ANKLE2: variants seen among roughly 807,000 people sequenced by gnomAD.
ANKLE2 encodes the protein ankyrin repeat and LEM domain-containing protein 2.
Under a neutral mutation model 84.2 loss-of-function variants are expected in ANKLE2, and 55 were observed. The ratio of observed to expected loss-of-function variants is 0.65; its 90% CI spans 0.53 to 0.82. The LOEUF (loss-of-function observed/expected upper bound fraction) is 0.82, where lower values mean the gene tolerates loss of function less well. ANKLE2 is among the 40% of genes least tolerant of loss of function. The probability of loss-of-function intolerance (pLI) is 0.00; values close to 1 mark genes in which losing one functional copy is unlikely to be tolerated. For missense variants in ANKLE2, 1,238 were observed against 1,201.9 expected, an observed-to-expected ratio of 1.03 and a Z score of -0.44; for synonymous variants, 551 against 486.1, an observed-to-expected ratio of 1.13 and a Z score of -1.76.
At position 132,728,176 on chromosome 12, in the gene ANKLE2, AT is replaced by A. The variant is rs2043749595; in HGVS notation, c.2484-14del. ...TGATGGCTCCTCTCTAGAAAGCACA[AT>A]AAAAGAAGCAAAAACATCTTTGGTA... On this transcript the variant is annotated splice_polypyrimidine_tract_variant and intron_variant, in intron 11 of 12. Coordinates refer to ENST00000357997, the MANE Select transcript of ANKLE2 (RefSeq NM_015114.3). 3.7e-6 allele frequency: 6 copies of A among 1,605,780 alleles called. No homozygotes were observed. The highest frequency in any genetic ancestry group is 5.1e-6 in the Non-Finnish European group (6 of 1,178,252).
intron 11 of ANKLE2, 83 bp downstream of exon 11, chr12:132,729,596 A>AGGG: frequency 1.4e-4 from 1 of 6,994 alleles, no homozygotes. Context: ...GTGGGAGGGG[A>AGGG]AGGGGAGGGG....
intron 2 of ANKLE2, 157 bp from the exon 3 acceptor site, chr12:132,751,006 C>A: frequency 3.2e-6 from 2 of 631,222 alleles, no homozygotes; most frequent in Non-Finnish European, 5.5e-6. Context: ...CCTAAGCTAG[C>A]CAAAATAGAA....
rs566130639 is a variant in ANKLE2 at position 132,746,348 on chromosome 12, C to CAA, written c.1230+1482_1230+1483dup. Among the ~76,000 whole-genome samples, 443 of 66,434 alleles carry CAA rather than the reference C, an allele frequency of 6.7e-3. 8 individuals carry two copies. Among genetic ancestry groups the CAA allele is most frequent in the African/African-American group, 0.02 (364 of 17,830 alleles). The allele number at this position is 66,434 out of a possible 152,430, so 43.6% of individuals were successfully genotyped here. ...TGGGAGACAGAGCAAGACTCTGTCTCAAAAAAAAAAAAAAAAAAAGAATCA... is the reference window on the plus strand; with the variant it reads ...TGGGAGACAGAGCAAGACTCTGTCTCAAAAAAAAAAAAAAAAAAAAAGAATCA... On this transcript the variant is annotated intron_variant, in intron 5 of 12. Coordinates refer to ENST00000357997, the MANE Select transcript of ANKLE2 (RefSeq NM_015114.3).
intron 9 of ANKLE2, 128 bp downstream of exon 9, chr12:132,735,278 A>G: frequency 2.3e-6 from 2 of 880,974 alleles, no homozygotes; most frequent in Non-Finnish European, 1.9e-6. Context: ...ACCTTCACGA[A>G]AAGGACCAAG....
rs1276827547 is a variant in ANKLE2, at chr12:132,743,168, T to C, written c.1339A>G (p.Lys447Glu). The part of the protein sequence containing the change: ...IVKNSRNKYD[K>E]TPEDVICERS... ...TAAGTACTTACATCTTCAGGTGTTT[T>C]ATCATATTTATTCCTTGAGTTTTTT... The change falls in exon 6 of 13, where the codon AAA becomes GAA. Residue 447 changes from lysine (K) to glutamate (E), a missense_variant. By Grantham distance (56) the Lys-to-Glu change is moderately conservative (BLOSUM62 1). Around this residue, in one of 3 missense-constraint regions of ANKLE2, gnomAD observed 802 missense variants for 774.5 expected, o/e 1.04. Transcript: ENST00000357997. The surrounding 1 kb of genome is among the most constrained non-coding windows in gnomAD (Gnocchi z 4.1). 2.5e-6 allele frequency: 4 copies of C among 1,606,722 alleles called. No homozygotes were observed. Among genetic ancestry groups the C allele is most frequent in the Non-Finnish European group, 3.4e-6 (4 of 1,175,722 alleles).
At chr12:132,733,727 A>G (rs1295030700) in intron 10 of ANKLE2, among the ~76,000 whole-genome samples, 1 of 152,126 alleles carries the variant, frequency 6.6e-6, no homozygotes, top group Non-Finnish European at 1.5e-5. Context: ...GGTGTCTGAT[A>G]CGCACCGTGC....
chr12:132,755,706 G>T (rs549704664), intron 1 of ANKLE2: 1 of 151,404 alleles, frequency 6.6e-6, no homozygotes, highest in Non-Finnish European at 1.5e-5. Context: ...GACTACAGGC[G>T]CCTGGAATCA....
Position 132,755,124 on chromosome 12 carries a change from G to T in ANKLE2, c.191C>A (p.Thr64Lys), listed in dbSNP as rs1462045652. The T allele has an allele frequency of 6.2e-7, 1 of 1,600,170 alleles. No individual in the cohort carries two copies. The highest frequency in any genetic ancestry group is 1.1e-5 in the South Asian group (1 of 89,832). ...CAATCGAGCCAACAGAGCATCCATT[G>T]TCATTTCACCTAGGCCCAAGACAAA... ...AAAAPASGEM[T>K]MDALLARLKL... is the part of the protein sequence containing the mutation. The change falls in exon 2 of 13, where the codon ACA becomes AAA. Residue 64 changes from threonine to lysine, a missense_variant. Thr to Lys is a moderately conservative substitution (Grantham distance 78). Coordinates refer to ENST00000357997, the MANE Select transcript of ANKLE2 (RefSeq NM_015114.3).
At position 132,748,258 on chromosome 12, in the gene ANKLE2, C is replaced by G. The variant is rs193227466; in HGVS notation, c.921G>C (p.Gln307His). 4.3e-6 allele frequency: 7 copies of G among 1,614,182 alleles called. No individual in the cohort carries two copies. The highest frequency in any genetic ancestry group is 2.7e-5 in the African/African-American group (2 of 75,026). The part of the protein sequence containing the change: ...RANSYKNPRT[Q>H]DLTAKLRKAV... Reference sequence around the variant, plus strand: ...CTTTCCGAAGCTTGGCGGTGAGGTCCTGCGTGCGGGGATTTTTGTAACTGT... The same window carrying G: ...CTTTCCGAAGCTTGGCGGTGAGGTCGTGCGTGCGGGGATTTTTGTAACTGT... Residue 307 changes from glutamine (Q) to histidine (H), a missense_variant, in exon 4 of 13, where the codon CAG becomes CAC. By Grantham distance (24) the Gln-to-His change is conservative (BLOSUM62 0). Coordinates refer to ENST00000357997, the MANE Select transcript of ANKLE2 (RefSeq NM_015114.3).
At chr12:132,749,816 C>G (rs1338693234) in intron 3 of ANKLE2, among the ~76,000 whole-genome samples, 1 of 152,186 alleles carries the variant, frequency 6.6e-6, no homozygotes, top group East Asian at 1.9e-4. Context: ...GATAAGCCCG[C>G]CTTCTCCAGA....
In ANKLE2 at chr12:132,743,359, T is replaced by G; in HGVS notation, c.1231-83A>C. On this transcript the variant is annotated intron_variant, in intron 5 of 12. Transcript: ENST00000357997. This position sits in a 1 kb window ranked among gnomAD's most constrained non-coding sequence, Gnocchi z 4.1. ...AAGGTGAAAATACATATTCATTCAT[T>G]CATTCATTCATTTATTTATTTTGAG... 7.0e-7 allele frequency: 1 copy of G among 1,435,214 alleles called. No individual in the cohort carries two copies. The allele number at this position is 1,435,214 out of a possible 1,614,324, so 88.9% of individuals were successfully genotyped here. A position where few individuals can be genotyped will look rare whatever the true frequency, so the allele number is the denominator to read the frequency against.
intron 5 of ANKLE2, among the ~76,000 whole-genome samples, chr12:132,746,273 C>T (rs2044236284): frequency 6.7e-6 from 1 of 148,506 alleles, no homozygotes; most frequent in Non-Finnish European, 1.5e-5. Context: ...CAGTTGAACC[C>T]AGGAGGAGGA....
In ANKLE2 at chr12:132,743,134, G is replaced by A. The variant is rs1283203380; in HGVS notation, c.1353+20C>T. 2.5e-6 allele frequency: 4 copies of A among 1,578,404 alleles called. No homozygotes were observed. The highest frequency in any genetic ancestry group is 2.7e-5 in the African/African-American group (2 of 73,682). On this transcript the variant is annotated intron_variant, in intron 6 of 12. Transcript: ENST00000357997. The surrounding 1 kb of genome is among the most constrained non-coding windows in gnomAD (Gnocchi z 4.1). ...CCATTTCTAACTCTAGATAGCAACT[G>A]CATTGTAATAAGTACTTACATCTTC...
Position 132,732,775 on chromosome 12 carries a change from T to C in ANKLE2, c.1891+1610A>G, listed in dbSNP as rs1275252210. Among the ~76,000 whole-genome samples the C allele has an allele frequency of 5.3e-5, 7 of 131,398 alleles. 1 individual carries two copies. Among genetic ancestry groups the C allele is most frequent in the African/African-American group, 2.0e-4 (7 of 34,818 alleles). The allele number at this position is 131,398 out of a possible 152,430, so 86.2% of individuals were successfully genotyped here. On this transcript the variant is annotated intron_variant, in intron 10 of 12. Coordinates refer to ENST00000357997, the MANE Select transcript of ANKLE2 (RefSeq NM_015114.3). ...GTGAAGCACTGCGCGTCCTGGTGTCTGATATGCACCGTGTGAAGCTCTCTG... is the reference window on the plus strand; with the variant it reads ...GTGAAGCACTGCGCGTCCTGGTGTCCGATATGCACCGTGTGAAGCTCTCTG...
In ANKLE2 at chr12:132,729,813, G is replaced by A. The variant is rs200721415; in HGVS notation, c.2349C>T (p.Leu783=). The change falls in exon 11 of 13, where the codon CTC becomes CTT. Residue 783 remains leucine (L), a synonymous_variant. Transcript: ENST00000357997. ...TTTCTGTCCTCCTGTGGCCATTCCC[G>A]AGTTGGTCTGCGGGAGAAGGCTCTA... ...DLLEPSPADQ[L]GNGHRRTESE... The A allele has an allele frequency of 1.4e-5, 23 of 1,613,300 alleles. No individual in the cohort carries two copies. The highest frequency in any genetic ancestry group is 5.5e-5 in the South Asian group (5 of 91,056).
intron 1 of ANKLE2, 146 bp from the exon 2 acceptor site, chr12:132,755,279 C>T: frequency 1.4e-6 from 1 of 740,522 alleles, no homozygotes; most frequent in East Asian, 2.8e-5. Context: ...CGCGGTGGCT[C>T]ACGCCTGTAA....
Position 132,755,027 on chromosome 12 carries a change from T to G in ANKLE2, c.288A>C (p.Ser96=). 6.2e-7 allele frequency: 1 copy of G among 1,614,182 alleles called. No individual in the cohort carries two copies. The highest frequency in any genetic ancestry group is 8.5e-7 in the Non-Finnish European group (1 of 1,180,038). The change falls in exon 2 of 13, where the codon TCA becomes TCC. Residue 96 remains serine (S), a synonymous_variant. Transcript: ENST00000357997. ...KAGLKCGPIT[S]TTRFIFEKKL... ...TTTTCTCAAAAATGAACCTTGTAGT[T>G]GATGTAATGGGTCCACATTTCAATC...
intron 8 of ANKLE2, 151 bp from the exon 9 acceptor site, chr12:132,735,663 C>T (rs904919751): frequency 3.1e-6 from 2 of 640,918 alleles, no homozygotes; most frequent in Admixed American, 5.9e-5. Context: ...GCCACGTGCC[C>T]ACCTGTGGCA....
chr12:132,735,371 G>A, intron 9 of ANKLE2, 35 bp downstream of exon 9: 1 of 1,573,164 alleles, frequency 6.4e-7, no homozygotes, highest in Non-Finnish European at 8.7e-7. Flanking sequence ...AACCAACTGT[G>A]TGCCCCACGC....
Sources: allele counts gnomAD v4.1 joint callset (sites outside exome capture counted in the v4.1 genomes callset), GRCh38; gene constraint gnomAD v4.1.1; regional missense constraint gnomAD v4.1.1; non-coding constraint Gnocchi (gnomAD v3.1); transcripts MANE v1.5; gene names NCBI Gene and HGNC (gene_info 2026-07-23, HGNC 2026-07-21).